The following PIGR variants were observed in gnomAD, a reference collection of about 807,000 sequenced individuals.
PIGR encodes polymeric immunoglobulin receptor, also known as hepatocellular carcinoma associated protein TB6.
PIGR carries 22 observed loss-of-function variants against 69.5 expected under a neutral mutation model. The observed-to-expected ratio is 0.32, with a 90% CI of 0.23 to 0.45. PIGR has a LOEUF of 0.45. Ranked by LOEUF, PIGR falls within the 20% of genes least tolerant of loss-of-function variation. The pLI is 1.00. For missense variants in PIGR, 885 were observed against 974.0 expected (o/e 0.91, Z 1.22); for synonymous variants, 413 against 407.6 (o/e 1.01, Z -0.16).
intron 2 of PIGR, 27 bp from the exon 3 acceptor site, chr1:206,939,490 C>T: frequency 6.5e-7 from 1 of 1,530,904 alleles, no homozygotes; most frequent in Non-Finnish European, 8.9e-7. Context: ...GAGAGGCTTT[C>T]TGAGGCCCTT....
intron 4 of PIGR, 47 bp downstream of exon 4, chr1:206,937,048 C>T: frequency 6.7e-7 from 1 of 1,502,658 alleles, no homozygotes; most frequent in African/African-American, 1.5e-5. Flanking sequence ...TTGGCTCTCA[C>T]CTGCGAGACT....
Position 206,935,450 on chromosome 1 carries a change from G to T in PIGR, c.1378+36C>A. On this transcript the variant is annotated intron_variant, in intron 5 of 10. Transcript: ENST00000356495. This position sits in a 1 kb window ranked among gnomAD's most constrained non-coding sequence, Gnocchi z 4.4. ...TGGGGATGCTGCTGCTGGCTGGAGA[G>T]GTTTTAGAGCTTTCTCCCTCCCTGT... The T allele has an allele frequency of 1.3e-6, 2 of 1,535,436 alleles. No homozygotes were observed.
chr1:206,935,817 C>T lies in PIGR; in HGVS notation c.1047G>A (p.Glu349=). 3 of 1,592,740 alleles carry T rather than the reference C, an allele frequency of 1.9e-6. No homozygotes were observed. Among genetic ancestry groups the T allele is most frequent in the Non-Finnish European group, 2.6e-6 (3 of 1,165,256 alleles). ...IQAWQLFVNE[E]STIPRSPTVV... is the part of the protein sequence containing the mutation. ...CAGTGGGGCTGCGGGGAATCGTGGA[C>T]TCTGGAAGCACAGACAGAGATGGGA... The change falls in exon 5 of 11, where the codon GAG becomes GAA. Residue 349 remains glutamate, a splice_region_variant and synonymous_variant. Transcript: ENST00000356495. This position sits in a 1 kb window ranked among gnomAD's most constrained non-coding sequence, Gnocchi z 4.4.
rs757801354 is a variant in PIGR, at chr1:206,937,323, G to T, written c.817C>A (p.Gln273Lys). The T allele has an allele frequency of 1.2e-6, 2 of 1,613,106 alleles. No homozygotes were observed. Among genetic ancestry groups the T allele is most frequent in the Admixed American group, 3.3e-5 (2 of 59,956 alleles). ...ACGTCACAGTTTTCCCCACTGCTCT[G>T]TCGGCACAGAAATTTGGCCACGTTT... ...VANVAKFLCR[Q>K]SSGENCDVVV... Residue 273 changes from glutamine (Q) to lysine (K), a missense_variant, in exon 4 of 11, where the codon CAG becomes AAG. By Grantham distance (53) the Gln-to-Lys change is moderately conservative. Coordinates refer to ENST00000356495, the MANE Select transcript of PIGR (RefSeq NM_002644.4).
chr1:206,941,357 A>G (rs1254346103), intron 1 of PIGR, among the ~76,000 whole-genome samples: 1 of 152,218 alleles, frequency 6.6e-6, no homozygotes, highest in Non-Finnish European at 1.5e-5. Flanking sequence ...CCACTACTGT[A>G]TCGCACCCCA....
chr1:206,939,386 A>T lies in PIGR; in HGVS notation c.121T>A (p.Tyr41Asn). ...VEGNSVSITC[Y>N]YPPTSVNRHT... ...CGGTTGACAGAGGTGGGTGGGTAGT[A>T]GCACGTGATGGACACTGAGTTACCT... Residue 41 changes from tyrosine to asparagine, a missense_variant, in exon 3 of 11, where the codon TAC (tyrosine) becomes AAC (asparagine). Transcript: ENST00000356495. 5.6e-6 allele frequency: 9 copies of T among 1,614,220 alleles called. No individual in the cohort carries two copies. The highest frequency in any genetic ancestry group is 7.6e-6 in the Non-Finnish European group (9 of 1,180,034).
At chr1:206,931,912 G>A (rs1378413854) in intron 8 of PIGR, 110 bp from the exon 9 acceptor site, 7 of 1,216,134 alleles carry the variant, frequency 5.8e-6, no homozygotes, top group East Asian at 2.3e-5. Flanking sequence ...GGACAGCTGA[G>A]GTGGTGCAGC....
intron 10 of PIGR, 188 bp downstream of exon 10, chr1:206,931,309 C>T: frequency 6.8e-7 from 1 of 1,468,216 alleles, no homozygotes. Flanking sequence ...TTATCCACAT[C>T]AGCATCCCAC....
rs1040676904 is a variant in PIGR, at chr1:206,930,994, C to T, written c.2199+503G>A. 9 of 985,250 alleles carry T rather than the reference C, an allele frequency of 9.1e-6. No individual in the cohort carries two copies. The highest frequency in any genetic ancestry group is 1.7e-5 in the African/African-American group (1 of 57,224). The allele number at this position is 985,250 out of a possible 1,614,324, so 61.0% of individuals were successfully genotyped here. A position where few individuals can be genotyped will look rare whatever the true frequency, so the allele number is the denominator to read the frequency against. On this transcript the variant is annotated intron_variant, in intron 10 of 10. Transcript: ENST00000356495. This position sits in a 1 kb window ranked among gnomAD's most constrained non-coding sequence, Gnocchi z 4.3. ...AGATTGAGGGGATGGTATATGGCAC[C>T]CAAGGCAGGAGTTGCCTCTGGTGGG...
chr1:206,940,064 A>G (rs1679952350), intron 2 of PIGR, among the ~76,000 whole-genome samples: 1 of 152,156 alleles, frequency 6.6e-6, no homozygotes, highest in Non-Finnish European at 1.5e-5. Context: ...AAGGTGTTAC[A>G]TGTTTGCACT....
At position 206,930,626 on chromosome 1, in the gene PIGR, G is replaced by C. The variant is rs868616141; in HGVS notation, c.2200-213C>G. 1.0e-6 allele frequency: 1 copy of C among 985,370 alleles called. No individual in the cohort carries two copies. Among genetic ancestry groups the C allele is most frequent in the Non-Finnish European group, 1.2e-6 (1 of 829,922 alleles). The allele number at this position is 985,370 out of a possible 1,614,324, so 61.0% of individuals were successfully genotyped here. On this transcript the variant is annotated intron_variant, in intron 10 of 10. Transcript: ENST00000356495. The surrounding 1 kb of genome is among the most constrained non-coding windows in gnomAD (Gnocchi z 4.3). ...GCAGCCTCTAAAAATATCTTCTTCT[G>C]TCTCACTACCTCCTTCTGACACACG... is the stretch of plus-strand genomic sequence containing the variant.
At chr1:206,941,711 G>A (rs1558016012) in intron 1 of PIGR, among the ~76,000 whole-genome samples, 1 of 152,210 alleles carries the variant, frequency 6.6e-6, no homozygotes, top group African/African-American at 2.4e-5. Context: ...TGTCTCCACC[G>A]TGGACACAGC....
In PIGR at chr1:206,930,396, G is replaced by A. The variant is rs141484518; in HGVS notation, c.2217C>T (p.Ala739=). 122 of 1,613,090 alleles carry A rather than the reference G, an allele frequency of 7.6e-5. No individual in the cohort carries two copies. In the African/African-American group the frequency reaches 1.4e-3, roughly 18 times the overall value. The part of the protein sequence containing the change: ...KKAKRSSKEE[A]EMAYKDFLLQ... ...GCAGGAAGTCTTTGTAGGCCATCTCGGCTTCCTCCTTGGATGACTAAGGGG... is the reference window on the plus strand; with the variant it reads ...GCAGGAAGTCTTTGTAGGCCATCTCAGCTTCCTCCTTGGATGACTAAGGGG... The change falls in exon 11 of 11, where the codon GCC becomes GCT. Residue 739 remains alanine, a synonymous_variant. Transcript: ENST00000356495. This position sits in a 1 kb window ranked among gnomAD's most constrained non-coding sequence, Gnocchi z 4.3.
At position 206,931,665 on chromosome 1, in the gene PIGR, T is replaced by C; in HGVS notation, c.2140+6A>G. 1 of 1,613,790 alleles carries C rather than the reference T, an allele frequency of 6.2e-7. No individual in the cohort carries two copies. The highest frequency in any genetic ancestry group is 8.5e-7 in the Non-Finnish European group (1 of 1,179,938). On this transcript the variant is annotated splice_donor_region_variant and intron_variant, in intron 9 of 10. Coordinates refer to ENST00000356495, the MANE Select transcript of PIGR (RefSeq NM_002644.4). ...GGCTGAGCATTCCCTTGAGTGAGGG[T>C]CATACCTTCTTTTCCTCCGAGGGAT...
intron 1 of PIGR, among the ~76,000 whole-genome samples, chr1:206,940,798 C>T (rs1679967471): frequency 6.6e-6 from 1 of 152,186 alleles, no homozygotes; most frequent in Non-Finnish European, 1.5e-5. Flanking sequence ...TAGCTTTTGT[C>T]TTCTCAACTA....
At chr1:206,939,866 A>G (rs1180321796) in intron 2 of PIGR, among the ~76,000 whole-genome samples, 1 of 152,124 alleles carries the variant, frequency 6.6e-6, no homozygotes, top group African/African-American at 2.4e-5. Context: ...AGTTGGGACT[A>G]CAGGTGCATG....
chr1:206,931,181 C>T, intron 10 of PIGR: 4 of 985,462 alleles, frequency 4.1e-6, no homozygotes, highest in Non-Finnish European at 4.8e-6. Context: ...TCCATTTAAT[C>T]ACCAGCATTT....
chr1:206,936,885 G>T (rs1163099362), intron 4 of PIGR, among the ~76,000 whole-genome samples: 1 of 152,234 alleles, frequency 6.6e-6, no homozygotes, highest in East Asian at 1.9e-4. Context: ...TTTGATAACA[G>T]AAGAGTAATT....
In PIGR at chr1:206,932,493, A is replaced by G. The variant is rs1333215494; in HGVS notation, c.1971T>C (p.Ala657=). 1 of 1,613,124 alleles carries G rather than the reference A, an allele frequency of 6.2e-7. No individual in the cohort carries two copies. The highest frequency in any genetic ancestry group is 1.1e-5 in the South Asian group (1 of 91,012). ...TGTGCCGGGCTCTGGCCACCCCCAC[A>G]GCCACGGCTCCCACTGCCAGCACCA... ...LGLVLAVGAV[A]VGVARARHRK... is the part of the protein sequence containing the mutation. Residue 657 remains alanine, a synonymous_variant, in exon 8 of 11, where the codon GCT becomes GCC. Transcript: ENST00000356495.
Sources: gnomAD v4.1 joint callset for allele counts (sites outside exome capture counted in the v4.1 genomes callset) on GRCh38, gnomAD v4.1.1 for gene constraint, Gnocchi (gnomAD v3.1) non-coding constraint, MANE v1.5 for transcripts, NCBI Gene and HGNC (gene_info 2026-07-23, HGNC 2026-07-21) for gene names.